SLC44A5: variants seen among roughly 807,000 people sequenced by gnomAD.
The protein encoded by SLC44A5 is solute carrier family 44 member 5, also known as choline transporter-like protein 5.
In SLC44A5, 57 loss-of-function variants were observed where a neutral mutation model predicts 101.8. The ratio of observed to expected loss-of-function variants is 0.56; its 90% confidence interval spans 0.45 to 0.70. The LOEUF (loss-of-function observed/expected upper bound fraction) is 0.70, where lower values mean the gene tolerates loss of function less well. Ranked by LOEUF, SLC44A5 falls within the 30% of genes least tolerant of loss-of-function variation. SLC44A5 has a pLI of 0.00. For synonymous variants in SLC44A5, 281 were observed against 290.9 expected (o/e 0.97, Z 0.35); for missense variants, 737 against 853.1 (o/e 0.86, Z 1.70).
At chr1:75,586,295 A>T (rs1422423698) in intron 1 of SLC44A5, among the ~76,000 whole-genome samples, 2 of 152,048 alleles carry the variant, frequency 1.3e-5, no homozygotes, top group East Asian at 3.9e-4. Context: ...CAATTTGCAG[A>T]CAGTAGATAG....
At chr1:75,557,524 G>GAAAGTTA (rs796662828) in intron 1 of SLC44A5, among the ~76,000 whole-genome samples, 37 of 152,254 alleles carry the variant, frequency 2.4e-4, no homozygotes, top group African/African-American at 8.9e-4. Context: ...GTCTCATCTA[G>GAAAGTTA]AAAGTTCTCT....
At chr1:75,441,428 A>C (rs1665190216) in intron 2 of SLC44A5, among the ~76,000 whole-genome samples, 1 of 152,088 alleles carries the variant, frequency 6.6e-6, no homozygotes, top group Non-Finnish European at 1.5e-5. Flanking sequence ...AAGTTCATGG[A>C]GAAAACAAAT....
chr1:75,215,302 CA>C (rs928740767), intron 19 of SLC44A5, among the ~76,000 whole-genome samples: 1 of 152,042 alleles, frequency 6.6e-6, no homozygotes, highest in African/African-American at 2.4e-5. Flanking sequence ...CCATAGGAAA[CA>C]AGTAAAACTC....
At chr1:75,350,602 A>T (rs1472113212) in intron 3 of SLC44A5, among the ~76,000 whole-genome samples, 1 of 151,514 alleles carries the variant, frequency 6.6e-6, no homozygotes, top group East Asian at 1.9e-4. Flanking sequence ...GGATAGAAAA[A>T]GGTTGAAACA....
At chr1:75,706,023 C>A in the SLC44A5 span, among the ~76,000 whole-genome samples, 3 of 152,164 alleles carry the variant, frequency 2.0e-5, no homozygotes, top group Non-Finnish European at 4.4e-5. Flanking sequence ...TTTTCTGCTA[C>A]ATTAATAGCG....
At chr1:75,476,959 TCCCTGAC>T (rs1217112330) in intron 2 of SLC44A5, among the ~76,000 whole-genome samples, 1 of 152,132 alleles carries the variant, frequency 6.6e-6, no homozygotes, top group African/African-American at 2.4e-5. Context: ...CTCAAGTGGG[TCCCTGAC>T]CCCTGACCCC....
intron 5 of SLC44A5, among the ~76,000 whole-genome samples, chr1:75,280,676 A>C (rs1168638038): frequency 6.6e-6 from 1 of 150,806 alleles, no homozygotes; most frequent in African/African-American, 2.4e-5. Context: ...TTAGATCATG[A>C]GGGTGGTTCT....
intron 4 of SLC44A5, among the ~76,000 whole-genome samples, chr1:75,317,820 C>T (rs1655810472): frequency 6.6e-6 from 1 of 152,090 alleles, no homozygotes; most frequent in African/African-American, 2.4e-5. Context: ...TATAAGGTCA[C>T]TAATCCCATC....
At chr1:75,386,506 T>C (rs942751665) in intron 3 of SLC44A5, among the ~76,000 whole-genome samples, 15 of 152,154 alleles carry the variant, frequency 9.9e-5, no homozygotes, top group African/African-American at 2.4e-4. Context: ...TTACAAGGGA[T>C]GTGAAGGACG....
At chr1:75,220,710 T>C (rs1469861853) in intron 14 of SLC44A5, among the ~76,000 whole-genome samples, 1 of 152,158 alleles carries the variant, frequency 6.6e-6, no homozygotes, top group Non-Finnish European at 1.5e-5. Flanking sequence ...TTTCAGCATA[T>C]GACACTGGAT....
chr1:75,526,544 A>C (rs895943853), intron 2 of SLC44A5, among the ~76,000 whole-genome samples: 2 of 152,168 alleles, frequency 1.3e-5, no homozygotes, highest in African/African-American at 4.8e-5. Context: ...TGTGATATGA[A>C]CAAGAAATAC....
chr1:75,412,641 T>C (rs1663355748), intron 2 of SLC44A5, among the ~76,000 whole-genome samples: 1 of 152,204 alleles, frequency 6.6e-6, no homozygotes, highest in Non-Finnish European at 1.5e-5. Context: ...CTTTCTGTAA[T>C]TTCAGTTACC....
chr1:75,593,838 G>A (rs1674490658), intron 1 of SLC44A5, among the ~76,000 whole-genome samples: 1 of 151,924 alleles, frequency 6.6e-6, no homozygotes, highest in Middle Eastern at 3.2e-3. Context: ...GGCTGAGAAG[G>A]GTAGTCAGGG....
chr1:75,699,786 G>A, the SLC44A5 span, among the ~76,000 whole-genome samples: 2 of 152,058 alleles, frequency 1.3e-5, no homozygotes, highest in African/African-American at 2.4e-5. Context: ...ACACACATAG[G>A]CTCAAAATAA....
At chr1:75,233,923 A>G (rs1432642808) in intron 12 of SLC44A5, 63 bp downstream of exon 12, 3 of 1,210,950 alleles carry the variant, frequency 2.5e-6, no homozygotes, top group Non-Finnish European at 3.6e-6. Context: ...GTAACTGATA[A>G]CAGCGATTGA....
chr1:75,295,861 G>A (rs1653923270), intron 5 of SLC44A5, among the ~76,000 whole-genome samples: 1 of 152,116 alleles, frequency 6.6e-6, no homozygotes. Context: ...AGTTTAGTCA[G>A]GAAAGAGTGT....
At chr1:75,645,258 T>C in the SLC44A5 span, among the ~76,000 whole-genome samples, 1 of 152,194 alleles carries the variant, frequency 6.6e-6, no homozygotes, top group Non-Finnish European at 1.5e-5. Context: ...GTAAAAGTGT[T>C]CCTGTTTCTC....
chr1:75,489,768 T>C (rs1412210236), intron 2 of SLC44A5, among the ~76,000 whole-genome samples: 1 of 152,206 alleles, frequency 6.6e-6, no homozygotes, highest in African/African-American at 2.4e-5. Flanking sequence ...CAAGGAAGGA[T>C]ATTTACAACC....
At chr1:75,356,778 T>C (rs1459082651) in intron 3 of SLC44A5, among the ~76,000 whole-genome samples, 1 of 152,212 alleles carries the variant, frequency 6.6e-6, no homozygotes, top group Non-Finnish European at 1.5e-5. Context: ...TTTTAAATCT[T>C]TTATACTGCA....
Sources: gnomAD v4.1 joint callset for allele counts (sites outside exome capture counted in the v4.1 genomes callset) on GRCh38, gnomAD v4.1.1 for gene constraint, MANE v1.5 for transcripts, NCBI Gene and HGNC (gene_info 2026-07-23, HGNC 2026-07-21) for gene names.